The following CDH11 variants were observed in gnomAD, a reference collection of about 807,000 sequenced individuals.
CDH11 encodes cadherin-11.
In CDH11, 11 loss-of-function variants were observed where a neutral mutation model predicts 67.8. The ratio of observed to expected loss-of-function variants is 0.16; its 90% CI spans 0.10 to 0.27. CDH11 has a LOEUF of 0.27. Among genes scored for constraint, CDH11 ranks in the 10% least tolerant of loss-of-function variants. The probability of loss-of-function intolerance (pLI) is 1.00; values close to 1 mark genes in which losing one functional copy is unlikely to be tolerated. For missense variants in CDH11, 847 were observed against 1,031.2 expected (o/e 0.82, Z 2.45); for synonymous variants, 419 against 400.0 (o/e 1.05, Z -0.57).
At chr16:64,990,099 A>C (rs1162550900) in intron 6 of CDH11, among the ~76,000 whole-genome samples, 1 of 152,200 alleles carries the variant, frequency 6.6e-6, no homozygotes, top group Non-Finnish European at 1.5e-5. Flanking sequence ...ATCTCATTCA[A>C]GTTCACGGCA....
intron 12 of CDH11, chr16:64,948,473 A>G (rs1023756773): frequency 1.3e-6 from 1 of 769,106 alleles, no homozygotes; most frequent in Non-Finnish European, 2.2e-6. Context: ...AAAGGAAGGT[A>G]GCTGTTTTTC....
At chr16:64,965,699 A>T (rs74026212) in intron 11 of CDH11, among the ~76,000 whole-genome samples, 2,023 of 152,050 alleles carry the variant, frequency 0.013, 44 homozygotes, top group African/African-American at 0.046. Context: ...TTTCAGGTCC[A>T]TTATAATCTT....
Position 65,005,016 on chromosome 16 carries a change from G to C in CDH11, c.-147C>G. 1 of 1,375,298 alleles carries C rather than the reference G, an allele frequency of 7.3e-7. No homozygotes were observed. The allele number at this position is 1,375,298 out of a possible 1,614,324, so 85.2% of individuals were successfully genotyped here. A position where few individuals can be genotyped will look rare whatever the true frequency, so the allele number is the denominator to read the frequency against. On this transcript the variant is annotated 5_prime_UTR_variant, in exon 3 of 13. Coordinates refer to ENST00000268603, the MANE Select transcript of CDH11 (RefSeq NM_001797.4). ...TCTGCTGGTTGAGCTCATCACGTCA[G>C]GGCTGCCCACGTCCCCAGTTAGCTT... is the stretch of plus-strand genomic sequence containing the variant.
rs2072299654 is a variant in CDH11 at position 64,980,328 on chromosome 16, A to C, written c.1253+1720T>G. 1.3e-5 allele frequency among the ~76,000 whole-genome samples: 2 copies of C among 152,230 alleles called. 1 individual carries two copies. The highest frequency in any genetic ancestry group is 4.1e-4 in the South Asian group (2 of 4,834). On this transcript the variant is annotated intron_variant, in intron 8 of 12. Coordinates refer to ENST00000268603, the MANE Select transcript of CDH11 (RefSeq NM_001797.4). ...TATGGGCTATAGTTTGCCAAGGCCTAAACTAGACAGACATCCAGCTCTTTG... is the reference window on the plus strand; with the variant it reads ...TATGGGCTATAGTTTGCCAAGGCCTCAACTAGACAGACATCCAGCTCTTTG...
chr16:65,010,855 G>A (rs1385410576), intron 2 of CDH11, among the ~76,000 whole-genome samples: 1 of 151,604 alleles, frequency 6.6e-6, no homozygotes, highest in Non-Finnish European at 1.5e-5. Context: ...ACTATCCTTG[G>A]TCAGGTGCTT....
intron 11 of CDH11, among the ~76,000 whole-genome samples, chr16:64,958,650 T>G (rs531644109): frequency 7.9e-5 from 12 of 152,178 alleles, no homozygotes; most frequent in Non-Finnish European, 1.6e-4. Context: ...TCATTGAATT[T>G]TATAAGCACA....
chr16:64,999,388 C>T (rs1597074461), intron 3 of CDH11, among the ~76,000 whole-genome samples: 1 of 152,270 alleles, frequency 6.6e-6, no homozygotes, highest in East Asian at 1.9e-4. Context: ...TATTGTTATA[C>T]AATAAAGTTC....
At chr16:64,957,619 C>T (rs1441049062) in intron 11 of CDH11, among the ~76,000 whole-genome samples, 1 of 144,818 alleles carries the variant, frequency 6.9e-6, no homozygotes, top group Non-Finnish European at 1.5e-5. Flanking sequence ...CACACACACA[C>T]ACACACACAC....
At chr16:65,018,497 A>T (rs1207245301) in intron 2 of CDH11, among the ~76,000 whole-genome samples, 1 of 152,206 alleles carries the variant, frequency 6.6e-6, no homozygotes, top group Non-Finnish European at 1.5e-5. Context: ...TAGTTTCCAA[A>T]TTCTGAAGAA....
At chr16:64,948,456 T>A in intron 12 of CDH11, 1 of 716,382 alleles carries the variant, frequency 1.4e-6, no homozygotes, top group Non-Finnish European at 2.4e-6. Flanking sequence ...TGCCAATTTC[T>A]CTTTGCAAAG....
chr16:65,009,406 A>G (rs2073130415), intron 2 of CDH11, among the ~76,000 whole-genome samples: 1 of 152,198 alleles, frequency 6.6e-6, no homozygotes, highest in South Asian at 2.1e-4. Context: ...TTTATTTTAA[A>G]TACCTGTTTC....
At chr16:65,071,865 C>G (rs535210192) in intron 1 of CDH11, 1 of 152,232 alleles carries the variant, frequency 6.6e-6, no homozygotes. Context: ...ACAGCAGGGA[C>G]AAGACATAAA....
At chr16:65,122,079 C>G (rs2075343291), upstream of CDH11, 1 of 404,638 alleles carries the variant, frequency 2.5e-6, no homozygotes, top group Admixed American at 3.2e-5. Flanking sequence ...GCCGAGCGCG[C>G]TAGTGGCAGG....
intron 2 of CDH11, among the ~76,000 whole-genome samples, chr16:65,053,292 C>A (rs991971803): frequency 6.6e-6 from 1 of 152,140 alleles, no homozygotes; most frequent in African/African-American, 2.4e-5. Context: ...TTATTAATCC[C>A]ATAGCACAGA....
intron 2 of CDH11, among the ~76,000 whole-genome samples, chr16:65,024,695 G>A (rs1476307096): frequency 1.3e-5 from 2 of 152,168 alleles, no homozygotes; most frequent in East Asian, 1.9e-4. Context: ...ATGAATGACG[G>A]TGTGCAAAGA....
chr16:65,038,598 CCTTGCTTCT>C (rs1230021240), intron 2 of CDH11, among the ~76,000 whole-genome samples: 4 of 152,186 alleles, frequency 2.6e-5, no homozygotes, highest in African/African-American at 9.7e-5. Context: ...TAATTCTAAG[CCTTGCTTCT>C]AAATATCCGT....
chr16:65,105,194 T>C (rs561635183), intron 1 of CDH11, among the ~76,000 whole-genome samples: 2 of 152,314 alleles, frequency 1.3e-5, no homozygotes, highest in East Asian at 3.9e-4. Flanking sequence ...GGTTTTCTTT[T>C]TGTTGTTGCT....
chr16:65,122,767 C>T (rs1040912863), upstream of CDH11, among the ~76,000 whole-genome samples: 1 of 152,136 alleles, frequency 6.6e-6, no homozygotes, highest in Non-Finnish European at 1.5e-5. Flanking sequence ...GCTCTCCTCT[C>T]GTCTAGTGCC....
At chr16:65,048,008 G>C (rs931012553) in intron 2 of CDH11, among the ~76,000 whole-genome samples, 1 of 152,210 alleles carries the variant, frequency 6.6e-6, no homozygotes, top group Non-Finnish European at 1.5e-5. Flanking sequence ...TCCATCACAA[G>C]AAGAGGGGTT....
Sources: gnomAD v4.1 joint callset for allele counts (sites outside exome capture counted in the v4.1 genomes callset) on GRCh38, gnomAD v4.1.1 for gene constraint, MANE v1.5 for transcripts, NCBI Gene and HGNC (gene_info 2026-07-23, HGNC 2026-07-21) for gene names.